Variants in PPP4R1 observed in about 807,000 individuals in gnomAD.
PPP4R1 encodes protein phosphatase 4 regulatory subunit 1.
In PPP4R1, 42 loss-of-function variants were observed where a neutral mutation model predicts 111.2. That is an observed-to-expected ratio of 0.38 (90% CI 0.29 to 0.49). The LOEUF (loss-of-function observed/expected upper bound fraction) is 0.49. PPP4R1 is among the 20% of genes least tolerant of loss of function. The pLI is 0.97. For synonymous variants in PPP4R1, 409 were observed against 405.5 expected (o/e 1.01, Z -0.10); for missense variants, 1,012 against 1,161.6 (o/e 0.87, Z 1.87).
intron 11 of PPP4R1, among the ~76,000 whole-genome samples, chr18:9,569,191 G>GAAAAA (rs1175501445): frequency 1.9e-5 from 1 of 53,306 alleles, no homozygotes; most frequent in African/African-American, 6.5e-5. Context: ...CTCCGTCTCA[G>GAAAAA]AAAAAAAAAA....
chr18:9,551,532 A>T (rs994706748), intron 16 of PPP4R1: 1 of 152,320 alleles, frequency 6.6e-6, no homozygotes, highest in Non-Finnish European at 1.5e-5. Context: ...TGCTTCAAGA[A>T]AGATGGTCAG....
chr18:9,599,534 C>T (rs1310288625), intron 2 of PPP4R1: 1 of 152,188 alleles, frequency 6.6e-6, no homozygotes, highest in Non-Finnish European at 1.5e-5. Context: ...AATAGCCCAA[C>T]TAAAGGCAGA....
chr18:9,567,194 G>A (rs2145090932), intron 11 of PPP4R1, among the ~76,000 whole-genome samples: 1 of 152,316 alleles, frequency 6.6e-6, no homozygotes, highest in South Asian at 2.1e-4. Flanking sequence ...ATTAAAGGGA[G>A]TATGGAAGAA....
At chr18:9,609,606 A>G (rs1012307512) in intron 2 of PPP4R1, among the ~76,000 whole-genome samples, 2 of 152,242 alleles carry the variant, frequency 1.3e-5, no homozygotes, top group African/African-American at 4.8e-5. Flanking sequence ...ACTCAATAAC[A>G]TAGCTTCAAA....
chr18:9,616,093 TG>T (rs1156754423), upstream of PPP4R1, among the ~76,000 whole-genome samples: 7 of 152,192 alleles, frequency 4.6e-5, no homozygotes, highest in African/African-American at 1.7e-4. Flanking sequence ...TGAATTCAGC[TG>T]ACACACTCAG....
At position 9,570,594 on chromosome 18, in the gene PPP4R1, A is replaced by C. The variant is rs189164747; in HGVS notation, c.1136T>G (p.Leu379Arg). 1.9e-6 allele frequency: 3 copies of C among 1,614,184 alleles called. No individual in the cohort carries two copies. Among genetic ancestry groups the C allele is most frequent in the Non-Finnish European group, 2.5e-6 (3 of 1,180,030 alleles). The change falls in exon 11 of 20, where the codon CTG becomes CGG. Residue 379 changes from leucine to arginine, a missense_variant. By Grantham distance (102) the Leu-to-Arg change is moderately radical. Around this residue, in one of 2 missense-constraint regions of PPP4R1, gnomAD observed 707 missense variants for 742.1 expected, o/e 0.95. Coordinates refer to ENST00000400556, the MANE Select transcript of PPP4R1 (RefSeq NM_001042388.3). ...AGCATGGTCTTCCATCGTGTTTTCC[A>C]GTATGACACTGGAATTACTAACACT... ...DLSVSNSSVI[L>R]ENTMEDHAAE...
At chr18:9,558,273 GA>G (rs2066618924) in intron 14 of PPP4R1, among the ~76,000 whole-genome samples, 1 of 152,186 alleles carries the variant, frequency 6.6e-6, no homozygotes, top group Non-Finnish European at 1.5e-5. Flanking sequence ...TCTGATGGAA[GA>G]GGGGGGCAGC....
At chr18:9,574,824 T>C (rs957094708) in intron 10 of PPP4R1, among the ~76,000 whole-genome samples, 1 of 152,196 alleles carries the variant, frequency 6.6e-6, no homozygotes, top group African/African-American at 2.4e-5. Context: ...AACGAGGGTA[T>C]GGATGGAACA....
At chr18:9,557,659 T>C (rs2066609127) in intron 14 of PPP4R1, among the ~76,000 whole-genome samples, 1 of 152,258 alleles carries the variant, frequency 6.6e-6, no homozygotes, top group Admixed American at 6.5e-5. Context: ...CATTGGACCC[T>C]GGCTCTGACA....
chr18:9,595,299 T>A (rs1027424946), intron 2 of PPP4R1, 146 bp from the exon 3 acceptor site: 1 of 814,910 alleles, frequency 1.2e-6, no homozygotes, highest in Non-Finnish European at 1.8e-6. Context: ...AAGCCACAAA[T>A]AACTAAAAGA....
In PPP4R1 at chr18:9,557,479, C is replaced by T. The variant is rs2066605953; in HGVS notation, c.2029-97G>A. ...AAGGCTAATTTATATATGAATGTTA[C>T]TAACCTCAAAAAATTAAATCAGAAT... On this transcript the variant is annotated intron_variant, in intron 14 of 19. Coordinates refer to ENST00000400556, the MANE Select transcript of PPP4R1 (RefSeq NM_001042388.3). 39 of 1,110,892 alleles carry T rather than the reference C, an allele frequency of 3.5e-5. No individual in the cohort carries two copies. The South Asian group carries it at 8.1e-4, about 23-fold the overall frequency. The allele number at this position is 1,110,892 out of a possible 1,614,324, so 68.8% of individuals were successfully genotyped here.
intron 11 of PPP4R1, among the ~76,000 whole-genome samples, chr18:9,565,100 G>A (rs1450883842): frequency 3.3e-5 from 5 of 152,094 alleles, no homozygotes; most frequent in African/African-American, 1.2e-4. Context: ...ATGTGTTTAC[G>A]CTGTGCCTCT....
intron 2 of PPP4R1, among the ~76,000 whole-genome samples, chr18:9,601,783 G>A (rs190801107): frequency 2.0e-5 from 3 of 152,164 alleles, no homozygotes; most frequent in South Asian, 2.1e-4. Context: ...GTGAGCCACC[G>A]TGCCTGGCCA....
intron 10 of PPP4R1, among the ~76,000 whole-genome samples, chr18:9,576,647 T>C (rs975190916): frequency 6.6e-6 from 1 of 152,138 alleles, no homozygotes; most frequent in Non-Finnish European, 1.5e-5. Flanking sequence ...CAATAAAACA[T>C]ATTCCTAAAT....
At chr18:9,586,538 A>G (rs1193835864) in intron 6 of PPP4R1, among the ~76,000 whole-genome samples, 7 of 152,088 alleles carry the variant, frequency 4.6e-5, no homozygotes, top group Non-Finnish European at 8.8e-5. Flanking sequence ...CTTCAGTAAA[A>G]ACATTACTGA....
chr18:9,580,435 C>T lies in PPP4R1; in HGVS notation c.918+2682G>A, dbSNP rs770169549. 8.1e-4 allele frequency among the ~76,000 whole-genome samples: 123 copies of T among 151,916 alleles called. 1 individual carries two copies. Among genetic ancestry groups the T allele is most frequent in the Non-Finnish European group, 1.6e-3 (106 of 67,948 alleles). On this transcript the variant is annotated intron_variant, in intron 9 of 19. Coordinates refer to ENST00000400556, the MANE Select transcript of PPP4R1 (RefSeq NM_001042388.3). ...CGCGATCTCGGCTCACTGCAAGCTC[C>T]GCCTCCCAGGTTCACGCCATTCTCC...
At chr18:9,596,974 A>C (rs2067299922) in intron 2 of PPP4R1, among the ~76,000 whole-genome samples, 1 of 152,168 alleles carries the variant, frequency 6.6e-6, no homozygotes, top group African/African-American at 2.4e-5. Context: ...TAAATAAATA[A>C]ATAAAATGAC....
At chr18:9,585,175 C>T (rs765936524) in intron 6 of PPP4R1, among the ~76,000 whole-genome samples, 13 of 151,914 alleles carry the variant, frequency 8.6e-5, no homozygotes, top group South Asian at 2.1e-4. Context: ...AACAAACAAA[C>T]AAAAACCTAC....
intron 10 of PPP4R1, among the ~76,000 whole-genome samples, chr18:9,571,668 C>T (rs1162717645): frequency 6.6e-6 from 1 of 152,116 alleles, no homozygotes; most frequent in Non-Finnish European, 1.5e-5. Flanking sequence ...AGAACCAATA[C>T]ATGTTTATGG....
Sources: allele counts gnomAD v4.1 joint callset (sites outside exome capture counted in the v4.1 genomes callset), GRCh38; gene constraint gnomAD v4.1.1; regional missense constraint gnomAD v4.1.1; transcripts MANE v1.5; gene names NCBI Gene and HGNC (gene_info 2026-07-23, HGNC 2026-07-21).